MBD5: variants seen among roughly 807,000 people sequenced by gnomAD.
The protein encoded by MBD5 is methyl-CpG-binding domain protein 5.
A neutral mutation model predicts 117.3 loss-of-function variants in MBD5; 13 were observed. That is an observed-to-expected ratio of 0.11 (90% CI 0.07 to 0.18). The LOEUF is 0.18. Among genes scored for constraint, MBD5 ranks in the 10% least tolerant of loss-of-function variants. The pLI is 1.00. For missense variants in MBD5, 1,879 were observed against 2,093.8 expected (o/e 0.90, Z 2.00); for synonymous variants, 727 against 766.4 (o/e 0.95, Z 0.85).
intron 1 of MBD5, among the ~76,000 whole-genome samples, chr2:148,104,549 T>G (rs756617711): frequency 2.8e-4 from 43 of 152,206 alleles, no homozygotes; most frequent in Admixed American, 5.2e-4. Context: ...GTCAGTAATG[T>G]TTTAACACCC....
chr2:148,191,029 A>G (rs1698814101), intron 2 of MBD5, among the ~76,000 whole-genome samples: 1 of 149,294 alleles, frequency 6.7e-6, no homozygotes, highest in Non-Finnish European at 1.5e-5. Context: ...CATAATGGTA[A>G]AGGGATCAAT....
chr2:148,211,639 A>G (rs952873786), intron 2 of MBD5, among the ~76,000 whole-genome samples: 2 of 152,192 alleles, frequency 1.3e-5, no homozygotes, highest in Admixed American at 1.3e-4. Flanking sequence ...TGGATCTTAC[A>G]AGATCCATGT....
chr2:148,053,252 C>T (rs1203744124), intron 1 of MBD5, among the ~76,000 whole-genome samples: 1 of 152,020 alleles, frequency 6.6e-6, no homozygotes. Context: ...TGAATTGACC[C>T]GTTTTTCATT....
intron 1 of MBD5, among the ~76,000 whole-genome samples, chr2:148,123,369 A>T (rs922324437): frequency 6.6e-6 from 1 of 152,218 alleles, no homozygotes; most frequent in African/African-American, 2.4e-5. Flanking sequence ...GGGACCTTGA[A>T]AGATGGGGAA....
At chr2:148,509,742 G>C (rs181819524) in intron 12 of MBD5, among the ~76,000 whole-genome samples, 2 of 152,210 alleles carry the variant, frequency 1.3e-5, no homozygotes, top group Non-Finnish European at 2.9e-5. Flanking sequence ...GAGCATGAGG[G>C]GCGTCTCTGG....
chr2:148,395,426 C>CATT (rs538391100), intron 4 of MBD5, among the ~76,000 whole-genome samples: 1 of 123,982 alleles, frequency 8.1e-6, no homozygotes, highest in African/African-American at 3.0e-5. Flanking sequence ...CCCAACTCAT[C>CATT]TTTTTTTTTT....
intron 1 of MBD5, among the ~76,000 whole-genome samples, chr2:148,144,467 C>T (rs1029603746): frequency 1.3e-5 from 2 of 152,192 alleles, no homozygotes; most frequent in Admixed American, 6.5e-5. Context: ...TCCCATTTGT[C>T]AATTTTGGCT....
chr2:148,199,825 C>T (rs912678264), intron 2 of MBD5, among the ~76,000 whole-genome samples: 19 of 152,034 alleles, frequency 1.2e-4, no homozygotes, highest in African/African-American at 4.6e-4. Flanking sequence ...TCCCAGCTCT[C>T]TATAACATAT....
intron 1 of MBD5, among the ~76,000 whole-genome samples, chr2:148,042,261 A>G (rs1694381064): frequency 6.6e-6 from 1 of 152,200 alleles, no homozygotes; most frequent in Admixed American, 6.5e-5. Context: ...GTGATGATAC[A>G]TCTCTGTCCT....
At chr2:148,503,129 A>G (rs575292684) in intron 12 of MBD5, 2 of 156,698 alleles carry the variant, frequency 1.3e-5, no homozygotes, top group African/African-American at 2.4e-5. Context: ...ATGTATGTTT[A>G]TGTATCATAA....
At chr2:148,325,884 A>C (rs985312465) in intron 3 of MBD5, among the ~76,000 whole-genome samples, 2 of 151,848 alleles carry the variant, frequency 1.3e-5, no homozygotes, top group African/African-American at 4.8e-5. Context: ...CTAGCTTTTG[A>C]ATGTGTTTGC....
At position 148,195,623 on chromosome 2, in the gene MBD5, C is replaced by G. The variant is rs148393515; in HGVS notation, c.-831+16830C>G. The stretch of plus-strand genomic sequence containing the variant: ...CACATTTTTTTCACTGTGTATAGAA[C>G]ATTAATCATGATAGAACATATGCTG... On this transcript the variant is annotated intron_variant, in intron 2 of 13. Transcript: ENST00000642680. Among the ~76,000 whole-genome samples, 7 of 152,120 alleles carry G rather than the reference C, an allele frequency of 4.6e-5. No homozygotes were observed. The East Asian group carries it at 1.3e-3, about 29-fold the overall frequency.
intron 2 of MBD5, among the ~76,000 whole-genome samples, chr2:148,224,641 G>A (rs755860779): frequency 2.7e-5 from 4 of 150,238 alleles, no homozygotes; most frequent in South Asian, 2.1e-4. Context: ...GATTACAGGC[G>A]TGAGCCACCA....
intron 2 of MBD5, among the ~76,000 whole-genome samples, chr2:148,211,820 A>T (rs1489612195): frequency 6.6e-6 from 1 of 152,202 alleles, no homozygotes; most frequent in East Asian, 1.9e-4. Context: ...ATCATGGATC[A>T]GTGCAACCTC....
intron 3 of MBD5, among the ~76,000 whole-genome samples, chr2:148,328,443 G>A (rs539648624): frequency 2.0e-5 from 3 of 152,308 alleles, no homozygotes; most frequent in South Asian, 4.1e-4. Flanking sequence ...CCCTAGCCTC[G>A]CTGCTGCCTT....
intron 1 of MBD5, among the ~76,000 whole-genome samples, chr2:148,117,578 A>T (rs1418670148): frequency 6.6e-6 from 1 of 152,190 alleles, no homozygotes; most frequent in Non-Finnish European, 1.5e-5. Flanking sequence ...AGATGAAAAA[A>T]TAGGTAAAGT....
intron 1 of MBD5, among the ~76,000 whole-genome samples, chr2:148,063,662 T>C (rs1474631223): frequency 6.6e-6 from 1 of 152,154 alleles, no homozygotes; most frequent in Non-Finnish European, 1.5e-5. Context: ...ACTTATTTAT[T>C]TTTTTAAGTG....
intron 1 of MBD5, among the ~76,000 whole-genome samples, chr2:148,039,213 A>G (rs1253868189): frequency 6.6e-6 from 1 of 152,060 alleles, no homozygotes; most frequent in African/African-American, 2.4e-5. Flanking sequence ...GGTATCCCAT[A>G]TCATATTTTT....
chr2:148,161,906 G>A (rs565052518), intron 1 of MBD5, among the ~76,000 whole-genome samples: 6 of 152,226 alleles, frequency 3.9e-5, no homozygotes, highest in African/African-American at 1.2e-4. Flanking sequence ...AACATTTAGG[G>A]CTAAATTTAC....
Sources: gnomAD v4.1 joint callset for allele counts (sites outside exome capture counted in the v4.1 genomes callset) on GRCh38, gnomAD v4.1.1 for gene constraint, MANE v1.5 for transcripts, NCBI Gene and HGNC (gene_info 2026-07-23, HGNC 2026-07-21) for gene names.